Variants in CSF2RA observed in about 807,000 individuals in gnomAD.
CSF2RA encodes the protein granulocyte-macrophage colony-stimulating factor receptor subunit alpha.
Under a neutral mutation model 51.6 loss-of-function variants are expected in CSF2RA, and 42 were observed. That is an observed-to-expected ratio of 0.81 (90% CI 0.64 to 1.05). CSF2RA has a LOEUF of 1.05. Ranked by LOEUF, CSF2RA falls within the 50% of genes least tolerant of loss-of-function variation. The pLI is 0.00. For missense variants in CSF2RA, 530 were observed against 501.1 expected (o/e 1.06, Z -0.55); for synonymous variants, 222 against 193.0 (o/e 1.15, Z -1.24).
At chrX:1,285,749 A>G in intron 3 of CSF2RA, 29 bp from the exon 4 acceptor site, 1 of 1,597,838 alleles carries the variant, frequency 6.3e-7, no homozygotes, top group Non-Finnish European at 8.6e-7. Flanking sequence ...AAAAGAGGAA[A>G]TTCTGAACCC....
downstream of CSF2RA, among the ~76,000 whole-genome samples, chrX:1,314,267 G>T (rs1190200048): frequency 1.1e-4 from 3 of 26,772 alleles, no homozygotes; most frequent in African/African-American, 3.5e-4. Context: ...CAACCCCACT[G>T]CGCCTGCCCA....
intron 10 of CSF2RA, among the ~76,000 whole-genome samples, chrX:1,301,595 C>CTTTT (rs777108928): frequency 9.5e-6 from 1 of 105,798 alleles, no homozygotes; most frequent in East Asian, 2.9e-4. Flanking sequence ...CTCTTTTTTT[C>CTTTT]TTTTTTTTTT....
chrX:1,299,121 C>T (rs112123952), intron 9 of CSF2RA, among the ~76,000 whole-genome samples: 215 of 152,284 alleles, frequency 1.4e-3, no homozygotes, highest in African/African-American at 4.9e-3. Flanking sequence ...CCTCAACCTT[C>T]GTGTCCCAAT....
rs758151217 is a variant in CSF2RA, at chrX:1,294,339, C to A, written c.658C>A (p.Pro220Thr). The A allele has an allele frequency of 3.7e-6, 6 of 1,613,534 alleles. No individual in the cohort carries two copies. The South Asian group carries it at 5.5e-5, about 15-fold the overall frequency. Residue 220 changes from proline to threonine, a missense_variant, in exon 8 of 13, where the codon CCT (proline) becomes ACT (threonine). Pro to Thr is a conservative substitution (Grantham distance 38). Transcript: ENST00000381529. ...LDTKKIERFN[P>T]PSNVTVRCNT... ...CGCCCTCGTTACAGAACGATTCAAC[C>A]CTCCCAGCAATGTCACCGTACGTTG...
At chrX:1,317,295 AGGCT>A in the CSF2RA span, among the ~76,000 whole-genome samples, 1 of 94,240 alleles carries the variant, frequency 1.1e-5, no homozygotes, top group African/African-American at 4.3e-5. Flanking sequence ...CTTGTCGCCC[AGGCT>A]GGAGTGCAGT....
intron 9 of CSF2RA, 151 bp from the exon 10 acceptor site, chrX:1,300,340 C>G: frequency 1.1e-6 from 1 of 934,032 alleles, no homozygotes; most frequent in Non-Finnish European, 1.6e-6. Context: ...AAGACCCGAT[C>G]AGACCAAGTG....
At chrX:1,296,496 G>C (rs375304323) in intron 9 of CSF2RA, among the ~76,000 whole-genome samples, 1 of 21,622 alleles carries the variant, frequency 4.6e-5, no homozygotes, top group Non-Finnish European at 9.7e-5. Context: ...GACCCCTACA[G>C]TCTCCTACCC....
chrX:1,274,449 T>C (rs28469497), intron 1 of CSF2RA, among the ~76,000 whole-genome samples: 55,819 of 146,258 alleles, frequency 0.38, 12,028 homozygotes, highest in Non-Finnish European at 0.5. Context: ...CACAGCCTTC[T>C]GAGTAGCTGG....
At chrX:1,312,261 C>T (rs751117272), downstream of CSF2RA, among the ~76,000 whole-genome samples, 1 of 152,244 alleles carries the variant, frequency 6.6e-6, no homozygotes, top group African/African-American at 2.4e-5. Flanking sequence ...ATTGTAATTA[C>T]ATGTCAGGCC....
the CSF2RA span, among the ~76,000 whole-genome samples, chrX:1,317,246 C>CTTTTTTTTTTTTTT: frequency 7.3e-4 from 42 of 57,830 alleles, no homozygotes; most frequent in Non-Finnish European, 1.0e-3. Flanking sequence ...CCACGCTCAG[C>CTTTTTTTTTTTTTT]TTTTTTTTTT....
At chrX:1,301,673 T>C (rs1168550003) in intron 10 of CSF2RA, among the ~76,000 whole-genome samples, 2 of 140,738 alleles carry the variant, frequency 1.4e-5, no homozygotes. Context: ...CTCGGCTCAC[T>C]GCAAGCTCCA....
the CSF2RA span, among the ~76,000 whole-genome samples, chrX:1,319,829 C>G: frequency 6.7e-6 from 1 of 149,626 alleles, no homozygotes; most frequent in African/African-American, 2.4e-5. Context: ...ATTCTCCTAC[C>G]TCACCCTCCC....
chrX:1,312,347 T>C (rs754616591), downstream of CSF2RA, among the ~76,000 whole-genome samples: 1 of 152,296 alleles, frequency 6.6e-6, no homozygotes, highest in East Asian at 1.9e-4. Flanking sequence ...GAGAGCATTC[T>C]GTAATGTGTC....
intron 2 of CSF2RA, among the ~76,000 whole-genome samples, chrX:1,279,430 G>A (rs1164966709): frequency 6.6e-6 from 1 of 152,056 alleles, no homozygotes; most frequent in Non-Finnish European, 1.5e-5. Flanking sequence ...TAGTGACTCA[G>A]CAGAGGGGGC....
chrX:1,288,862 G>A lies in CSF2RA; in HGVS notation c.447G>A (p.Gln149=), dbSNP rs140998163. The change falls in exon 6 of 13, where the codon CAG becomes CAA. Residue 149 remains glutamine, a synonymous_variant. Coordinates refer to ENST00000381529, the MANE Select transcript of CSF2RA (RefSeq NM_172245.4). ...GTCCGACGGCCCCCCGTGACGTCCA[G>A]TATTTTTTGTACATACGAAACTCAA... ...ARGPTAPRDV[Q]YFLYIRNSKR... 40 of 1,613,184 alleles carry A rather than the reference G, an allele frequency of 2.5e-5. No individual in the cohort carries two copies. Among genetic ancestry groups the A allele is most frequent in the African/African-American group, 4.0e-5 (3 of 74,852 alleles).
chrX:1,273,575 C>T (rs1240589139), intron 1 of CSF2RA, among the ~76,000 whole-genome samples: 8 of 151,432 alleles, frequency 5.3e-5, no homozygotes, highest in African/African-American at 1.7e-4. Context: ...GTGATCCAAC[C>T]GCCTCGGCCT....
At chrX:1,289,303 T>A (rs1233032514) in intron 6 of CSF2RA, among the ~76,000 whole-genome samples, 2 of 152,082 alleles carry the variant, frequency 1.3e-5, no homozygotes, top group Non-Finnish European at 2.9e-5. Context: ...AATTTTTGTA[T>A]TTTTAGTAGA....
chrX:1,290,615 A>C, intron 7 of CSF2RA, 106 bp downstream of exon 7: 233 of 1,174,984 alleles, frequency 2.0e-4, no homozygotes, highest in Non-Finnish European at 2.9e-4. Flanking sequence ...CTGTAATCTC[A>C]GCACTTTGGG....
intron 6 of CSF2RA, among the ~76,000 whole-genome samples, chrX:1,290,062 G>C (rs1334364490): frequency 1.1e-5 from 1 of 89,632 alleles, no homozygotes; most frequent in Non-Finnish European, 2.4e-5. Flanking sequence ...GTTTTGTTTT[G>C]TGTTTTTGAT....
Sources: allele counts gnomAD v4.1 joint callset (sites outside exome capture counted in the v4.1 genomes callset), GRCh38; gene constraint gnomAD v4.1.1; transcripts MANE v1.5; gene names NCBI Gene and HGNC (gene_info 2026-07-23, HGNC 2026-07-21).